ATG7: variants seen among roughly 807,000 people sequenced by gnomAD.
ATG7 encodes the protein ubiquitin-like modifier-activating enzyme ATG7.
A neutral mutation model predicts 82.4 loss-of-function variants in ATG7; 70 were observed. The observed-to-expected ratio is 0.85, with a 90% CI of 0.70 to 1.04. ATG7 has a LOEUF of 1.04. Among genes scored for constraint, ATG7 ranks in the 50% least tolerant of loss-of-function variants. The pLI, the probability that ATG7 is intolerant of heterozygous loss-of-function variation, is 0.00. For synonymous variants in ATG7, 287 were observed against 313.0 expected (o/e 0.92, Z 0.88); for missense variants, 792 against 864.3 (o/e 0.92, Z 1.05).
chr3:11,319,469 GT>G (rs1395087526), intron 9 of ATG7, among the ~76,000 whole-genome samples: 1 of 152,146 alleles, frequency 6.6e-6, no homozygotes, highest in Non-Finnish European at 1.5e-5. Context: ...ATGGAGAAAT[GT>G]TGGAATCCCT....
chr3:11,345,896 A>G (rs1340568885), intron 13 of ATG7, among the ~76,000 whole-genome samples: 2 of 152,218 alleles, frequency 1.3e-5, no homozygotes, highest in South Asian at 2.1e-4. Flanking sequence ...TATAGAAAAT[A>G]TAAAAGTCAT....
At chr3:11,522,369 C>T (rs1218340116) in intron 20 of ATG7, among the ~76,000 whole-genome samples, 1 of 152,140 alleles carries the variant, frequency 6.6e-6, no homozygotes, top group Non-Finnish European at 1.5e-5. Context: ...GCCTTCATTC[C>T]TTTCTGCTAA....
intron 20 of ATG7, among the ~76,000 whole-genome samples, chr3:11,506,906 A>T (rs961158510): frequency 6.6e-6 from 1 of 152,152 alleles, no homozygotes; most frequent in South Asian, 2.1e-4. Flanking sequence ...CTAGGTAAGG[A>T]TTCATAGCAT....
chr3:11,571,643 G>C, the ATG7 span, among the ~76,000 whole-genome samples: 4 of 152,174 alleles, frequency 2.6e-5, no homozygotes, highest in Non-Finnish European at 5.9e-5. Flanking sequence ...CTCCAGCCTG[G>C]GCAACAGGGT....
chr3:11,537,202 C>T (rs1240053047), intron 20 of ATG7, among the ~76,000 whole-genome samples: 2 of 152,172 alleles, frequency 1.3e-5, no homozygotes, highest in Non-Finnish European at 2.9e-5. Flanking sequence ...CTCCTTCCTT[C>T]CTTCCCATCT....
intron 20 of ATG7, among the ~76,000 whole-genome samples, chr3:11,459,371 CAA>C (rs2086083419): frequency 1.3e-5 from 2 of 151,940 alleles, no homozygotes; most frequent in Admixed American, 6.6e-5. Context: ...AAGAATCTGA[CAA>C]ATGTTTTTAT....
At chr3:11,428,905 T>C (rs2082603281) in intron 20 of ATG7, among the ~76,000 whole-genome samples, 1 of 152,230 alleles carries the variant, frequency 6.6e-6, no homozygotes, top group South Asian at 2.1e-4. Context: ...TGGTTTATCT[T>C]ACATTTTAGT....
chr3:11,317,547 A>G (rs1482277768), intron 9 of ATG7, among the ~76,000 whole-genome samples: 1 of 147,788 alleles, frequency 6.8e-6, no homozygotes, highest in Non-Finnish European at 1.5e-5. Context: ...ACACGACCAC[A>G]TTGTCTGATT....
intron 20 of ATG7, among the ~76,000 whole-genome samples, chr3:11,458,676 A>G (rs940329744): frequency 2.6e-5 from 4 of 152,248 alleles, no homozygotes; most frequent in African/African-American, 9.6e-5. Flanking sequence ...GAACTGAAGC[A>G]AATGAGCTCT....
intron 13 of ATG7, among the ~76,000 whole-genome samples, chr3:11,345,542 G>T (rs1236213453): frequency 6.6e-6 from 1 of 152,142 alleles, no homozygotes; most frequent in African/African-American, 2.4e-5. Context: ...AAAATTAATT[G>T]ACATAAAATA....
chr3:11,539,718 T>A (rs1210775222), intron 20 of ATG7, among the ~76,000 whole-genome samples: 3 of 152,222 alleles, frequency 2.0e-5, no homozygotes, highest in Admixed American at 1.3e-4. Context: ...CTTATGAATT[T>A]AAAAAATAAA....
intron 19 of ATG7, among the ~76,000 whole-genome samples, chr3:11,411,996 C>A (rs2080951246): frequency 1.3e-5 from 2 of 148,602 alleles, no homozygotes; most frequent in Admixed American, 6.7e-5. Flanking sequence ...TTTACTGAAA[C>A]ACCAGGGTAT....
intron 19 of ATG7, among the ~76,000 whole-genome samples, chr3:11,423,352 G>C (rs1444328807): frequency 2.0e-5 from 3 of 152,134 alleles, no homozygotes; most frequent in African/African-American, 7.2e-5. Flanking sequence ...TAATAATAAT[G>C]AAAAAGTTTG....
chr3:11,555,213 C>G lies in ATG7; in HGVS notation c.*370C>G. ...GGGGAAATGAGCAACCAGCTCCTGC[C>G]CAGAGCCACTGCGGGAGGTGGCACC... On this transcript the variant is annotated 3_prime_UTR_variant, in exon 21 of 21. Coordinates refer to ENST00000693202, the MANE Select transcript of ATG7 (RefSeq NM_001349232.2). 1 of 228,712 alleles carries G rather than the reference C, an allele frequency of 4.4e-6. No homozygotes were observed. The allele number at this position is 228,712 out of a possible 1,614,324, so 14.2% of individuals were successfully genotyped here. A position where few individuals can be genotyped will look rare whatever the true frequency, so the allele number is the denominator to read the frequency against.
intron 20 of ATG7, among the ~76,000 whole-genome samples, chr3:11,438,752 C>T (rs562844685): frequency 2.0e-5 from 3 of 151,930 alleles, no homozygotes; most frequent in Non-Finnish European, 4.4e-5. Context: ...TTTTCAAGAT[C>T]TAATATGTGA....
At chr3:11,299,237 A>G in intron 4 of ATG7, 125 bp from the exon 5 acceptor site, 1 of 870,756 alleles carries the variant, frequency 1.1e-6, no homozygotes, top group East Asian at 2.4e-5. Flanking sequence ...TGTAGCATAG[A>G]TAATCAGAAA....
chr3:11,558,829 TGCAGGCAA>T (rs776344910), downstream of ATG7: 9 of 1,609,688 alleles, frequency 5.6e-6, no homozygotes, highest in Admixed American at 1.7e-5. Flanking sequence ...TGGTGGCAGC[TGCAGGCAA>T]GCAGGAAGGC....
intron 3 of ATG7, among the ~76,000 whole-genome samples, chr3:11,291,591 C>T (rs1944986808): frequency 6.6e-6 from 1 of 152,120 alleles, no homozygotes; most frequent in African/African-American, 2.4e-5. Context: ...AACATGTAAA[C>T]TGTTTAGTGT....
rs374161778 is a variant in ATG7, at chr3:11,453,998, G to A, written c.2079+27072G>A. On this transcript the variant is annotated intron_variant, in intron 20 of 20. Transcript: ENST00000693202. ...CAGAGGAAATTCCGTGTAAATAAAT[G>A]TGACTGCCACTTCAAACCTCAATCT... is the stretch of plus-strand genomic sequence containing the variant. Among the ~76,000 whole-genome samples the A allele has an allele frequency of 3.9e-5, 6 of 152,300 alleles. No homozygotes were observed. The South Asian group carries it at 1.2e-3, about 32-fold the overall frequency.
Sources: gnomAD v4.1 joint callset for allele counts (sites outside exome capture counted in the v4.1 genomes callset) on GRCh38, gnomAD v4.1.1 for gene constraint, MANE v1.5 for transcripts, NCBI Gene and HGNC (gene_info 2026-07-23, HGNC 2026-07-21) for gene names.